PCDH9: variants seen among roughly 807,000 people sequenced by gnomAD.
PCDH9 encodes protocadherin-9.
A neutral mutation model predicts 70.6 loss-of-function variants in PCDH9; 24 were observed. That is an observed-to-expected ratio of 0.34 (90% CI 0.25 to 0.48). The LOEUF is 0.48. Ranked by LOEUF, PCDH9 falls within the 20% of genes least tolerant of loss-of-function variation. PCDH9 has a pLI of 0.99. For missense variants in PCDH9, 1,281 were observed against 1,503.6 expected (o/e 0.85, Z 2.45); for synonymous variants, 562 against 558.5 (o/e 1.01, Z -0.09).
At chr13:66,374,891 G>T (rs1029896205) in intron 4 of PCDH9, among the ~76,000 whole-genome samples, 1 of 152,052 alleles carries the variant, frequency 6.6e-6, no homozygotes, top group East Asian at 1.9e-4. Flanking sequence ...AGGAATAGTA[G>T]ATCATCACAG....
In PCDH9 at chr13:66,455,125, A is replaced by G. The variant is rs148610543; in HGVS notation, c.3341-150097T>C. Among the ~76,000 whole-genome samples the G allele has an allele frequency of 3.9e-3, 599 of 152,196 alleles. 3 individuals are homozygous for G. The highest frequency in any genetic ancestry group is 0.014 in the African/African-American group (576 of 41,556). ...TCTAGGTAAAACCATCACCTAGCCA[A>G]TTCAATTGTAAGTTTCATAATTCAA... On this transcript the variant is annotated intron_variant, in intron 4 of 4. Coordinates refer to ENST00000377865, the MANE Select transcript of PCDH9 (RefSeq NM_203487.3).
intron 4 of PCDH9, among the ~76,000 whole-genome samples, chr13:66,525,619 CT>C (rs1404519137): frequency 6.6e-6 from 1 of 152,054 alleles, no homozygotes; most frequent in Non-Finnish European, 1.5e-5. Context: ...CTCATTCTTG[CT>C]TTTTAATGCC....
At chr13:66,781,827 T>C (rs2080003355) in intron 3 of PCDH9, among the ~76,000 whole-genome samples, 1 of 152,262 alleles carries the variant, frequency 6.6e-6, no homozygotes. Context: ...ACTTTAGTTA[T>C]ATTCATTTCA....
intron 2 of PCDH9, among the ~76,000 whole-genome samples, chr13:67,134,674 C>T (rs2087187897): frequency 6.6e-6 from 1 of 152,036 alleles, no homozygotes. Context: ...TGGCTTCTTG[C>T]TACGGTACAT....
At chr13:67,195,205 G>A (rs1307555776) in intron 2 of PCDH9, among the ~76,000 whole-genome samples, 1 of 151,700 alleles carries the variant, frequency 6.6e-6, no homozygotes, top group Non-Finnish European at 1.5e-5. Context: ...GAGTTCAGTG[G>A]CGCGATCTCA....
At position 67,226,803 on chromosome 13, in the gene PCDH9, G is replaced by A. The variant is rs9571740; in HGVS notation, c.1638C>T (p.Asp546=). The A allele has an allele frequency of 0.52, 844,646 of 1,613,524 alleles. 225,893 individuals carry two copies. Among genetic ancestry groups the A allele is most frequent in the Non-Finnish European group, 0.55 (653,245 of 1,179,692 alleles). Residue 546 remains aspartate, a synonymous_variant, in exon 2 of 5, where the codon GAC becomes GAT. Transcript: ENST00000377865. The surrounding 1 kb of genome is among the most constrained non-coding windows in gnomAD (Gnocchi z 5.0). ...GGCTTTGGAGGGGAGGGGTCCCATT[G>A]TCCCTGGCAGTTACTGTAAAAATGA... ...ERFIFTVTAR[D]NGTPPLQSQA...
intron 2 of PCDH9, chr13:67,002,086 T>C (rs1310753995): frequency 6.6e-6 from 1 of 152,232 alleles, no homozygotes; most frequent in Non-Finnish European, 1.5e-5. Flanking sequence ...TCTTGTAGAA[T>C]GTCTTTATCT....
At chr13:66,699,565 G>T (rs2139102866) in intron 3 of PCDH9, among the ~76,000 whole-genome samples, 1 of 152,254 alleles carries the variant, frequency 6.6e-6, no homozygotes, top group Admixed American at 6.5e-5. Flanking sequence ...GCAGAGATTA[G>T]AGTGATGCCA....
intron 4 of PCDH9, among the ~76,000 whole-genome samples, chr13:66,480,795 C>G (rs1245739607): frequency 6.6e-6 from 1 of 152,172 alleles, no homozygotes; most frequent in Non-Finnish European, 1.5e-5. Flanking sequence ...TTTGACCCAG[C>G]AATCCCATTT....
chr13:66,679,864 T>C (rs1419212859), intron 3 of PCDH9, among the ~76,000 whole-genome samples: 1 of 151,964 alleles, frequency 6.6e-6, no homozygotes, highest in Non-Finnish European at 1.5e-5. Context: ...TGAATACATC[T>C]AATTAGATAA....
chr13:66,873,552 G>A (rs973332035), intron 3 of PCDH9, among the ~76,000 whole-genome samples: 1 of 152,080 alleles, frequency 6.6e-6, no homozygotes, highest in Admixed American at 6.5e-5. Context: ...AATACGTCAG[G>A]TTTTTCTCCT....
chr13:66,395,685 A>G (rs935564189), intron 4 of PCDH9, among the ~76,000 whole-genome samples: 22 of 152,294 alleles, frequency 1.4e-4, no homozygotes, highest in Admixed American at 5.2e-4. Flanking sequence ...TCATATATTA[A>G]GAACAATATT....
chr13:66,870,361 C>T (rs1380386903), intron 3 of PCDH9, among the ~76,000 whole-genome samples: 2 of 151,944 alleles, frequency 1.3e-5, no homozygotes, highest in South Asian at 2.1e-4. Context: ...TAGCATGATG[C>T]CTCCAGCTTT....
At chr13:66,343,929 T>C (rs1234315618) in intron 4 of PCDH9, among the ~76,000 whole-genome samples, 1 of 152,160 alleles carries the variant, frequency 6.6e-6, no homozygotes, top group Non-Finnish European at 1.5e-5. Flanking sequence ...TTGCCTAATA[T>C]ATTGTTCAGC....
chr13:66,332,140 A>G (rs1231466838), intron 4 of PCDH9, among the ~76,000 whole-genome samples: 1 of 152,136 alleles, frequency 6.6e-6, no homozygotes, highest in Admixed American at 6.5e-5. Context: ...AAGGCTCTCC[A>G]CGCTCCTTGG....
chr13:66,875,487 C>G (rs1279205728), intron 3 of PCDH9, among the ~76,000 whole-genome samples: 1 of 152,164 alleles, frequency 6.6e-6, no homozygotes, highest in Non-Finnish European at 1.5e-5. Context: ...GCCAGACACA[C>G]AAAGCATACA....
chr13:67,019,934 A>G (rs1247863901), intron 2 of PCDH9, among the ~76,000 whole-genome samples: 1 of 152,188 alleles, frequency 6.6e-6, no homozygotes, highest in Non-Finnish European at 1.5e-5. Context: ...TTTCTACCTA[A>G]TAATTTGCTG....
chr13:66,543,112 A>T (rs1421683113), intron 4 of PCDH9, among the ~76,000 whole-genome samples: 3 of 152,030 alleles, frequency 2.0e-5, no homozygotes, highest in Admixed American at 6.6e-5. Context: ...CTATATTCTC[A>T]TTAACGTAAT....
intron 3 of PCDH9, among the ~76,000 whole-genome samples, chr13:66,801,017 T>TTA (rs2080318162): frequency 6.7e-6 from 1 of 150,170 alleles, no homozygotes; most frequent in Admixed American, 6.6e-5. Flanking sequence ...TTCTTTCCTT[T>TTA]TTTTTTTTTT....
Sources: allele counts gnomAD v4.1 joint callset (sites outside exome capture counted in the v4.1 genomes callset), GRCh38; gene constraint gnomAD v4.1.1; non-coding constraint Gnocchi (gnomAD v3.1); transcripts MANE v1.5; gene names NCBI Gene and HGNC (gene_info 2026-07-23, HGNC 2026-07-21).